Variants in EEFSEC observed in about 807,000 individuals in gnomAD.
EEFSEC encodes selenocysteine-specific elongation factor.
EEFSEC carries 43 observed loss-of-function variants against 42.1 expected under a neutral mutation model. That is an observed-to-expected ratio of 1.02 (90% confidence interval 0.80 to 1.32). The LOEUF is 1.32. Ranked by LOEUF, EEFSEC falls within the 40% of genes most tolerant of loss-of-function variation. EEFSEC has a pLI of 0.00. For synonymous variants in EEFSEC, 354 were observed against 339.1 expected, an observed-to-expected ratio of 1.04 and a Z score of -0.48; for missense variants, 745 against 803.6, an observed-to-expected ratio of 0.93 and a Z score of 0.88.
intron 5 of EEFSEC, among the ~76,000 whole-genome samples, chr3:128,356,750 T>A (rs55668266): frequency 0.028 from 4,268 of 152,310 alleles, 186 homozygotes; most frequent in African/African-American, 0.094. Flanking sequence ...ACCTCTGCCC[T>A]GCCCCCATCC....
chr3:128,236,291 G>A (rs1300367427), intron 1 of EEFSEC, among the ~76,000 whole-genome samples: 1 of 152,224 alleles, frequency 6.6e-6, no homozygotes, highest in Non-Finnish European at 1.5e-5. Context: ...GTTACCAAAT[G>A]TTTGAGGTGA....
chr3:128,157,721 AT>A (rs1944405493), intron 1 of EEFSEC, among the ~76,000 whole-genome samples: 1 of 152,182 alleles, frequency 6.6e-6, no homozygotes, highest in South Asian at 2.1e-4. Context: ...TCCTTTCAAA[AT>A]ATTACTGATT....
Position 128,369,130 on chromosome 3 carries a change from T to C in EEFSEC, c.1600+10757T>C, listed in dbSNP as rs7613410. ...CACTGTGAGGCTCAGAGGAGCTAGA[T>C]GACTGGCCCACCAGACCCTGAAGTT... On this transcript the variant is annotated intron_variant, in intron 6 of 6. Transcript: ENST00000254730. Among the ~76,000 whole-genome samples, 294 of 152,326 alleles carry C rather than the reference T, an allele frequency of 1.9e-3. 5 individuals carry two copies. In the East Asian group the frequency reaches 0.045, roughly 24 times the overall value.
chr3:128,312,869 C>G (rs994839813), intron 4 of EEFSEC, among the ~76,000 whole-genome samples: 1 of 152,164 alleles, frequency 6.6e-6, no homozygotes, highest in African/African-American at 2.4e-5. Flanking sequence ...TTCTGCATTA[C>G]CATATATAGA....
chr3:128,272,869 G>C (rs1175355869), intron 4 of EEFSEC, among the ~76,000 whole-genome samples: 1 of 152,176 alleles, frequency 6.6e-6, no homozygotes, highest in East Asian at 1.9e-4. Context: ...TAGACATCAG[G>C]CAGGCAAAAC....
At chr3:128,210,637 TCCC>T (rs2065746503) in intron 1 of EEFSEC, among the ~76,000 whole-genome samples, 1 of 152,226 alleles carries the variant, frequency 6.6e-6, no homozygotes, top group East Asian at 1.9e-4. Context: ...CCTTCTAGCT[TCCC>T]AATTACATCT....
At chr3:128,241,425 G>A (rs887144737) in intron 1 of EEFSEC, among the ~76,000 whole-genome samples, 18 of 152,102 alleles carry the variant, frequency 1.2e-4, no homozygotes, top group African/African-American at 4.3e-4. Flanking sequence ...GCCCCATGCT[G>A]GTCTCAAACT....
At chr3:128,245,699 A>G (rs894659081) in intron 1 of EEFSEC, among the ~76,000 whole-genome samples, 3 of 152,214 alleles carry the variant, frequency 2.0e-5, no homozygotes, top group Admixed American at 6.5e-5. Flanking sequence ...CTTCGATACT[A>G]GTTGGCTGTG....
intron 1 of EEFSEC, among the ~76,000 whole-genome samples, chr3:128,188,346 T>TGGCA (rs2107799819): frequency 6.6e-6 from 1 of 152,160 alleles, no homozygotes; most frequent in Non-Finnish European, 1.5e-5. Context: ...TGATGAGGGC[T>TGGCA]GGCAGGCAGG....
At chr3:128,212,177 C>T (rs1176796403) in intron 1 of EEFSEC, among the ~76,000 whole-genome samples, 1 of 152,190 alleles carries the variant, frequency 6.6e-6, no homozygotes, top group Non-Finnish European at 1.5e-5. Flanking sequence ...ACATACACTT[C>T]TTAACACTCA....
Position 128,209,043 on chromosome 3 carries a change from A to G in EEFSEC, c.317-37793A>G, listed in dbSNP as rs983639691. ...TAAGTTCAGAGTAGAATTTGATCAGATCAGGGGAAAGGAGAACATTCTAGG... is the reference window on the plus strand; with the variant it reads ...TAAGTTCAGAGTAGAATTTGATCAGGTCAGGGGAAAGGAGAACATTCTAGG... On this transcript the variant is annotated intron_variant, in intron 1 of 6. Transcript: ENST00000254730. 3.9e-5 allele frequency among the ~76,000 whole-genome samples: 6 copies of G among 152,328 alleles called. No individual in the cohort carries two copies. In the Middle Eastern group the frequency reaches 0.014, roughly 345 times the overall value.
At chr3:128,208,803 G>A (rs2065726598) in intron 1 of EEFSEC, among the ~76,000 whole-genome samples, 1 of 152,192 alleles carries the variant, frequency 6.6e-6, no homozygotes, top group Admixed American at 6.5e-5. Context: ...CAATTCAGGG[G>A]TCACTTTGGC....
intron 6 of EEFSEC, among the ~76,000 whole-genome samples, chr3:128,365,243 A>C (rs750247303): frequency 1.1e-4 from 16 of 152,176 alleles, no homozygotes; most frequent in Non-Finnish European, 1.8e-4. Context: ...CCCTGAGTGG[A>C]TGGAGAGCCC....
At chr3:128,423,337 G>A in the EEFSEC span, among the ~76,000 whole-genome samples, 1 of 152,192 alleles carries the variant, frequency 6.6e-6, no homozygotes, top group East Asian at 1.9e-4. Context: ...ATGAAGGCCA[G>A]GTGCAGTGGC....
At chr3:128,263,912 C>A (rs1441973190) in intron 3 of EEFSEC, among the ~76,000 whole-genome samples, 2 of 152,180 alleles carry the variant, frequency 1.3e-5, no homozygotes, top group African/African-American at 4.8e-5. Flanking sequence ...CCCCACATCC[C>A]CTTGTTTCTT....
intron 6 of EEFSEC, among the ~76,000 whole-genome samples, chr3:128,399,075 AAAAT>A (rs138470496): frequency 0.3 from 44,836 of 147,760 alleles, 7,224 homozygotes; most frequent in East Asian, 0.45. Context: ...TTTGCCTTAA[AAAAT>A]AAATAAATAA....
At chr3:128,323,658 C>T (rs1288622235) in intron 4 of EEFSEC, among the ~76,000 whole-genome samples, 1 of 152,208 alleles carries the variant, frequency 6.6e-6, no homozygotes, top group East Asian at 1.9e-4. Context: ...GGGTAAAGAG[C>T]CCAAAGTTGG....
At chr3:128,374,362 G>A (rs1576681581) in intron 6 of EEFSEC, among the ~76,000 whole-genome samples, 1 of 152,148 alleles carries the variant, frequency 6.6e-6, no homozygotes, top group Non-Finnish European at 1.5e-5. Flanking sequence ...TCTCCTACTG[G>A]TCAGGTACCT....
At chr3:128,294,155 G>A (rs982788005) in intron 4 of EEFSEC, among the ~76,000 whole-genome samples, 1 of 152,166 alleles carries the variant, frequency 6.6e-6, no homozygotes, top group African/African-American at 2.4e-5. Context: ...GTGGTTGGGA[G>A]CCATTAGGGG....
Sources: gnomAD v4.1 joint callset for allele counts (sites outside exome capture counted in the v4.1 genomes callset) on GRCh38, gnomAD v4.1.1 for gene constraint, MANE v1.5 for transcripts, NCBI Gene and HGNC (gene_info 2026-07-23, HGNC 2026-07-21) for gene names.